PTPRD: variants seen among roughly 807,000 people sequenced by gnomAD.
PTPRD encodes the protein receptor-type tyrosine-protein phosphatase delta.
PTPRD carries 34 observed loss-of-function variants against 214.5 expected under a neutral mutation model. The ratio of observed to expected loss-of-function variants is 0.16; its 90% confidence interval spans 0.12 to 0.21. The LOEUF (loss-of-function observed/expected upper bound fraction) is 0.21. PTPRD is among the 10% of genes least tolerant of loss of function. The probability of loss-of-function intolerance (pLI) is 1.00; values close to 1 mark genes in which losing one functional copy is unlikely to be tolerated. For missense variants in PTPRD, 2,545 were observed against 2,398.7 expected (o/e 1.06, Z -1.27); for synonymous variants, 1,128 against 845.7 (o/e 1.33, Z -5.79).
intron 3 of PTPRD, among the ~76,000 whole-genome samples, chr9:10,270,770 C>G (rs2094372144): frequency 6.6e-6 from 1 of 152,124 alleles, no homozygotes; most frequent in East Asian, 1.9e-4. Flanking sequence ...TTTTCTGATC[C>G]TATAAGAAAT....
At chr9:8,391,603 T>G (rs932046599) in intron 36 of PTPRD, among the ~76,000 whole-genome samples, 2 of 152,148 alleles carry the variant, frequency 1.3e-5, no homozygotes, top group Admixed American at 1.3e-4. Context: ...AAAACCTACT[T>G]TCAAAACTTT....
At position 8,925,795 on chromosome 9, in the gene PTPRD, G is replaced by C. The variant is rs537741279; in HGVS notation, c.-104+92902C>G. Among the ~76,000 whole-genome samples the C allele has an allele frequency of 2.0e-5, 3 of 149,506 alleles. No homozygotes were observed. In the South Asian group the frequency reaches 6.4e-4, roughly 32 times the overall value. On this transcript the variant is annotated intron_variant, in intron 11 of 45. Transcript: ENST00000381196. ...TGACACTCACTGTTAGAGAACTGCTGTAATTAGTTCAAGGAGAACTTAATT... is the reference window on the plus strand; with the variant it reads ...TGACACTCACTGTTAGAGAACTGCTCTAATTAGTTCAAGGAGAACTTAATT...
chr9:8,955,271 G>A (rs886529473), intron 11 of PTPRD, among the ~76,000 whole-genome samples: 3 of 151,830 alleles, frequency 2.0e-5, no homozygotes, highest in Admixed American at 2.0e-4. Context: ...TGAAAGTAAA[G>A]GTTACTTATG....
chr9:8,738,702 T>C (rs1799938728), intron 11 of PTPRD, among the ~76,000 whole-genome samples: 1 of 152,038 alleles, frequency 6.6e-6, no homozygotes, highest in African/African-American at 2.4e-5. Flanking sequence ...CTGGTTACTC[T>C]AGGAGAAAGT....
chr9:9,008,179 AG>A (rs1357131318), intron 11 of PTPRD, among the ~76,000 whole-genome samples: 2 of 144,890 alleles, frequency 1.4e-5, no homozygotes, highest in Non-Finnish European at 3.0e-5. Flanking sequence ...AGAGTCTGTT[AG>A]GTAACACAGG....
intron 7 of PTPRD, among the ~76,000 whole-genome samples, chr9:9,619,619 A>C (rs1425677081): frequency 6.9e-6 from 1 of 145,898 alleles, no homozygotes; most frequent in Non-Finnish European, 1.5e-5. Context: ...ATATCTATAT[A>C]TAATAATCTA....
intron 9 of PTPRD, among the ~76,000 whole-genome samples, chr9:9,363,395 T>A (rs1420576982): frequency 6.6e-6 from 1 of 151,356 alleles, no homozygotes; most frequent in Non-Finnish European, 1.5e-5. Context: ...CTAGGAGATC[T>A]GAAACAAATG....
At chr9:8,940,280 C>CTTTTTTTTTTTTTTTTTTTTTTTTT (rs34342718) in intron 11 of PTPRD, among the ~76,000 whole-genome samples, 7 of 89,050 alleles carry the variant, frequency 7.9e-5, no homozygotes, top group African/African-American at 3.1e-4. Context: ...TCTCTCTCTC[C>CTTTTTTTTTTTTTTTTTTTTTTTTT]TTTTTTTTTT....
chr9:8,422,563 G>C (rs1264118126), intron 35 of PTPRD, among the ~76,000 whole-genome samples: 2 of 152,148 alleles, frequency 1.3e-5, no homozygotes, highest in African/African-American at 4.8e-5. Flanking sequence ...AATAACAGCA[G>C]TGAACGAGGT....
intron 11 of PTPRD, among the ~76,000 whole-genome samples, chr9:8,990,565 C>G (rs2099362453): frequency 6.6e-6 from 1 of 152,144 alleles, no homozygotes; most frequent in African/African-American, 2.4e-5. Context: ...CATGGCAAGT[C>G]ACAGAAACAA....
At chr9:10,345,432 C>A (rs2097056083) in intron 2 of PTPRD, among the ~76,000 whole-genome samples, 1 of 150,048 alleles carries the variant, frequency 6.7e-6, no homozygotes, top group African/African-American at 2.5e-5. Flanking sequence ...CCACCCCCCA[C>A]ATGCCCCAGT....
At chr9:9,650,563 G>A (rs543140229) in intron 7 of PTPRD, among the ~76,000 whole-genome samples, 10 of 152,178 alleles carry the variant, frequency 6.6e-5, no homozygotes, top group Non-Finnish European at 1.3e-4. Flanking sequence ...TCAGGATGAT[G>A]CTGGCCTCAT....
At chr9:9,766,389 C>T (rs1565101259) in intron 6 of PTPRD, among the ~76,000 whole-genome samples, 1 of 151,988 alleles carries the variant, frequency 6.6e-6, no homozygotes, top group Non-Finnish European at 1.5e-5. Context: ...GGTTTTAATT[C>T]TAAATGTATT....
chr9:9,282,901 T>C (rs1595116873), intron 9 of PTPRD, among the ~76,000 whole-genome samples: 2 of 151,614 alleles, frequency 1.3e-5, no homozygotes, highest in South Asian at 4.1e-4. Context: ...TTTTATAGAG[T>C]TAGTTATGTG....
intron 2 of PTPRD, among the ~76,000 whole-genome samples, chr9:10,589,785 G>T (rs745312898): frequency 6.6e-6 from 1 of 152,028 alleles, no homozygotes; most frequent in Non-Finnish European, 1.5e-5. Flanking sequence ...AAGCATTAGA[G>T]GAGGTCAAGT....
intron 6 of PTPRD, among the ~76,000 whole-genome samples, chr9:9,762,559 C>G (rs997397957): frequency 1.3e-5 from 2 of 152,172 alleles, no homozygotes; most frequent in Admixed American, 6.5e-5. Flanking sequence ...ACCTCCTCAG[C>G]TAAACATCTA....
intron 8 of PTPRD, among the ~76,000 whole-genome samples, chr9:9,520,710 A>G (rs954830191): frequency 6.6e-6 from 1 of 152,206 alleles, no homozygotes; most frequent in Non-Finnish European, 1.5e-5. Context: ...TTTTATAAGC[A>G]AACAACTTCT....
rs375309569 is a variant in PTPRD, at chr9:9,287,786, G to C, written c.-202-104423C>G. ...TGTATAAGTCTGTTACTCATATTAA[G>C]ATGTGGCTAAAGTAAGTATGTCATA... On this transcript the variant is annotated intron_variant, in intron 9 of 45. Transcript: ENST00000381196. 1.6e-4 allele frequency among the ~76,000 whole-genome samples: 25 copies of C among 152,008 alleles called. 1 individual carries two copies. The highest frequency in any genetic ancestry group is 9.8e-4 in the East Asian group (5 of 5,118).
At chr9:8,831,810 A>C (rs569793508) in intron 11 of PTPRD, among the ~76,000 whole-genome samples, 1 of 152,312 alleles carries the variant, frequency 6.6e-6, no homozygotes, top group Non-Finnish European at 1.5e-5. Flanking sequence ...CCTCAGAGAA[A>C]GTTTCACAAA....
Sources: allele counts gnomAD v4.1 joint callset (sites outside exome capture counted in the v4.1 genomes callset), GRCh38; gene constraint gnomAD v4.1.1; transcripts MANE v1.5; gene names NCBI Gene and HGNC (gene_info 2026-07-23, HGNC 2026-07-21).